Variants in CDH15 observed in about 807,000 individuals in gnomAD.
The protein encoded by CDH15 is cadherin 15, also known as cadherin-15.
A neutral mutation model predicts 69.4 loss-of-function variants in CDH15; 73 were observed. That is an observed-to-expected ratio of 1.05 (90% confidence interval 0.87 to 1.28). The LOEUF (loss-of-function observed/expected upper bound fraction) is 1.28. Ranked by LOEUF, CDH15 falls within the 50% of genes most tolerant of loss-of-function variation. The pLI is 0.00. For synonymous variants in CDH15, 624 were observed against 507.7 expected, an observed-to-expected ratio of 1.23 and a Z score of -3.08; for missense variants, 1,343 against 1,133.6, an observed-to-expected ratio of 1.18 and a Z score of -2.65.
At chr16:89,174,440 G>A (rs1360650987) in intron 1 of CDH15, among the ~76,000 whole-genome samples, 6 of 152,316 alleles carry the variant, frequency 3.9e-5, no homozygotes, top group Non-Finnish European at 7.4e-5. Context: ...GTGCAAGGTC[G>A]GCCCCAGAAC....
intron 1 of CDH15, among the ~76,000 whole-genome samples, chr16:89,178,462 C>T (rs1461384902): frequency 6.6e-6 from 1 of 152,176 alleles, no homozygotes; most frequent in African/African-American, 2.4e-5. Flanking sequence ...ACCGAGGTAC[C>T]CTGTTCTGGG....
At chr16:89,179,331 C>T (rs564372859) in intron 1 of CDH15, 85 bp from the exon 2 acceptor site, 2 of 1,533,740 alleles carry the variant, frequency 1.3e-6, no homozygotes, top group East Asian at 2.3e-5. Context: ...CCCGTGGCCT[C>T]CTCACCACCC....
chr16:89,195,195 G>A lies in CDH15; in HGVS notation c.*40G>A, dbSNP rs1387320587. On this transcript the variant is annotated 3_prime_UTR_variant, in exon 14 of 14. Transcript: ENST00000289746. ...TGGACATGCCACTCCCCGGCCTCGT[G>A]GCAGTGATGGCCCCTGCAGAGGCAG... 3 of 1,525,960 alleles carry A rather than the reference G, an allele frequency of 2.0e-6. No homozygotes were observed. Among genetic ancestry groups the A allele is most frequent in the Admixed American group, 3.7e-5 (2 of 53,886 alleles). 94.5% of individuals were successfully genotyped at this position (1,525,960 alleles called of 1,614,324 possible). A position where few individuals can be genotyped will look rare whatever the true frequency, so the allele number is the denominator to read the frequency against.
At chr16:89,177,742 G>C (rs190330380) in intron 1 of CDH15, among the ~76,000 whole-genome samples, 92 of 152,324 alleles carry the variant, frequency 6.0e-4, no homozygotes, top group African/African-American at 2.0e-3. Context: ...GGGAGCTCGA[G>C]GGTGACCCCC....
chr16:89,194,737 G>C lies in CDH15; in HGVS notation c.2152-125G>C, dbSNP rs1045339199. 38 of 949,164 alleles carry C rather than the reference G, an allele frequency of 4.0e-5. No individual in the cohort carries two copies. In the South Asian group the frequency reaches 4.2e-4, roughly 11 times the overall value. The allele number at this position is 949,164 out of a possible 1,614,324, so 58.8% of individuals were successfully genotyped here. On this transcript the variant is annotated intron_variant, in intron 13 of 13. Transcript: ENST00000289746. ...TTGCCTCCCCTCAGACCTCGCCCCC[G>C]GACGTGGGCAGCTTCCCCTTCCTGA...
intron 4 of CDH15, among the ~76,000 whole-genome samples, chr16:89,183,900 G>C (rs1397018854): frequency 6.6e-6 from 1 of 152,216 alleles, no homozygotes; most frequent in Non-Finnish European, 1.5e-5. Context: ...GAGCCTGGGA[G>C]TGGAGGTTTT....
chr16:89,195,217 G>A lies in CDH15; in HGVS notation c.*62G>A, dbSNP rs958888023. On this transcript the variant is annotated 3_prime_UTR_variant, in exon 14 of 14. Transcript: ENST00000289746. ...CGTGGCAGTGATGGCCCCTGCAGAGGCAGCCTGAGGTCACCGGGCCCGACC... is the reference window on the plus strand; with the variant it reads ...CGTGGCAGTGATGGCCCCTGCAGAGACAGCCTGAGGTCACCGGGCCCGACC... 1 of 1,467,416 alleles carries A rather than the reference G, an allele frequency of 6.8e-7. No individual in the cohort carries two copies. Among genetic ancestry groups the A allele is most frequent in the Non-Finnish European group, 9.0e-7 (1 of 1,108,554 alleles). The allele number at this position is 1,467,416 out of a possible 1,614,324, so 90.9% of individuals were successfully genotyped here. A position where few individuals can be genotyped will look rare whatever the true frequency, so the allele number is the denominator to read the frequency against.
In CDH15 at chr16:89,190,402, C is replaced by T; in HGVS notation, c.1138C>T (p.Leu380Phe). The T allele has an allele frequency of 6.2e-7, 1 of 1,612,624 alleles. No individual in the cohort carries two copies. The highest frequency in any genetic ancestry group is 8.5e-7 in the Non-Finnish European group (1 of 1,179,884). ...GCCCCCCGTGTTCCAGGAGAACCCA[C>T]TTCGGACCAGCCTAGCAGAGGGGGC... is the stretch of plus-strand genomic sequence containing the variant. ...NEPPVFQENP[L>F]RTSLAEGAPP... The change falls in exon 8 of 14, where the codon CTT (leucine) becomes TTT (phenylalanine). Residue 380 changes from leucine (L) to phenylalanine (F), a missense_variant. Physicochemically the swap from Leu to Phe is conservative, Grantham distance 22 (BLOSUM62 0). Coordinates refer to ENST00000289746, the MANE Select transcript of CDH15 (RefSeq NM_004933.3).
At chr16:89,188,005 G>A in intron 6 of CDH15, 95 bp from the exon 7 acceptor site, 1 of 835,380 alleles carries the variant, frequency 1.2e-6, no homozygotes, top group Non-Finnish European at 1.9e-6. Context: ...GCAGGAGGGA[G>A]GGTGGGAGGG....
Position 89,195,137 on chromosome 16 carries a change from C to G in CDH15, c.2427C>G (p.His809Gln). ...GLSPGALLPR[H>Q]RGRTA ...CTCCTGGGGCACTGCTACCCAGACA[C>G]AGAGGCCGGACAGCCTGACCCTGGG... is the stretch of plus-strand genomic sequence containing the variant. Residue 809 changes from histidine to glutamine, a missense_variant, in exon 14 of 14, where the codon CAC (histidine) becomes CAG (glutamine). By Grantham distance (24) the His-to-Gln change is conservative. Coordinates refer to ENST00000289746, the MANE Select transcript of CDH15 (RefSeq NM_004933.3). The G allele has an allele frequency of 6.3e-7, 1 of 1,597,672 alleles. No individual in the cohort carries two copies. Among genetic ancestry groups the G allele is most frequent in the Non-Finnish European group, 8.5e-7 (1 of 1,171,692 alleles).
At chr16:89,193,389 CT>C in intron 11 of CDH15, 80 bp from the exon 12 acceptor site, 1 of 1,148,450 alleles carries the variant, frequency 8.7e-7, no homozygotes, top group Non-Finnish European at 1.2e-6. Flanking sequence ...GCCCCGCCCC[CT>C]CCTCCCACCT....
intron 4 of CDH15, among the ~76,000 whole-genome samples, chr16:89,184,707 T>C (rs1279475899): frequency 6.6e-6 from 1 of 151,808 alleles, no homozygotes; most frequent in Non-Finnish European, 1.5e-5. Flanking sequence ...GCGTCCTCTG[T>C]CTTATCCTGC....
chr16:89,192,381 G>T lies in CDH15; in HGVS notation c.1792G>T (p.Gly598Trp), dbSNP rs757666255. ...CLPGAAALLA[G>W]GTGLSLGALV... is the part of the protein sequence containing the mutation. Reference sequence around the variant, plus strand: ...GCCGGGGGCCGCAGCGCTGCTGGCGGGGGGCACAGGCCTCAGCCTGGGCGC... The same window carrying T: ...GCCGGGGGCCGCAGCGCTGCTGGCGTGGGGCACAGGCCTCAGCCTGGGCGC... Residue 598 changes from glycine to tryptophan, a missense_variant, in exon 11 of 14, where the codon GGG (glycine) becomes TGG (tryptophan). Physicochemically the swap from Gly to Trp is radical, Grantham distance 184 (BLOSUM62 -2). Coordinates refer to ENST00000289746, the MANE Select transcript of CDH15 (RefSeq NM_004933.3). 21 of 1,537,106 alleles carry T rather than the reference G, an allele frequency of 1.4e-5. No homozygotes were observed. Among genetic ancestry groups the T allele is most frequent in the Non-Finnish European group, 1.5e-5 (17 of 1,147,990 alleles).
intron 1 of CDH15, among the ~76,000 whole-genome samples, chr16:89,174,563 C>A (rs1315495996): frequency 2.0e-5 from 3 of 152,216 alleles, no homozygotes; most frequent in South Asian, 2.1e-4. Flanking sequence ...TACACAGCAG[C>A]CCCTTGGGGT....
rs570306656 is a variant in CDH15, at chr16:89,190,383, C to T, written c.1119C>T (p.Pro373=). 3.6e-5 allele frequency: 58 copies of T among 1,612,852 alleles called. No individual in the cohort carries two copies. In the Admixed American group the frequency reaches 6.3e-4, roughly 18 times the overall value. The change falls in exon 8 of 14, where the codon CCC becomes CCT. Residue 373 remains proline, a synonymous_variant. Coordinates refer to ENST00000289746, the MANE Select transcript of CDH15 (RefSeq NM_004933.3). The stretch of plus-strand genomic sequence containing the variant: ...ATGTGCAGGACACCAACGAGCCCCC[C>T]GTGTTCCAGGAGAACCCACTTCGGA... ...RVHVQDTNEP[P]VFQENPLRTS... is the part of the protein sequence containing the mutation.
chr16:89,177,398 G>T (rs1915280121), intron 1 of CDH15, among the ~76,000 whole-genome samples: 5 of 152,210 alleles, frequency 3.3e-5, no homozygotes, highest in Admixed American at 3.3e-4. Context: ...GCAGCCCCAT[G>T]TGGCCTGTGG....
In CDH15 at chr16:89,190,434, A is replaced by G; in HGVS notation, c.1170A>G (p.Pro390=). The G allele has an allele frequency of 6.2e-7, 1 of 1,609,344 alleles. No individual in the cohort carries two copies. Among genetic ancestry groups the G allele is most frequent in the Non-Finnish European group, 8.5e-7 (1 of 1,178,704 alleles). The change falls in exon 8 of 14, where the codon CCA becomes CCG. Residue 390 remains proline, a synonymous_variant. Transcript: ENST00000289746. ...CCAGCCTAGCAGAGGGGGCACCCCC[A>G]GGCACTCTGGTGGCCACCTTCTCTG... is the stretch of plus-strand genomic sequence containing the variant. The part of the protein sequence containing the change: ...LRTSLAEGAP[P]GTLVATFSAR...
At position 89,187,471 on chromosome 16, in the gene CDH15, T is replaced by C; in HGVS notation, c.706T>C (p.Ser236Pro). 6.2e-7 allele frequency: 1 copy of C among 1,613,584 alleles called. No individual in the cohort carries two copies. Among genetic ancestry groups the C allele is most frequent in the Non-Finnish European group, 8.5e-7 (1 of 1,180,028 alleles). The part of the protein sequence containing the change: ...YNLTLQVADM[S>P]GDGLTATASA... ...TCTGACCCTGCAGGTGGCGGACATG[T>C]CTGGAGACGGCCTCACAGCCACTGC... Residue 236 changes from serine to proline, a missense_variant, in exon 6 of 14, where the codon TCT (serine) becomes CCT (proline). Coordinates refer to ENST00000289746, the MANE Select transcript of CDH15 (RefSeq NM_004933.3).
rs770968487 is a variant in CDH15, at chr16:89,193,741, C to T, written c.1993-14C>T. On this transcript the variant is annotated splice_polypyrimidine_tract_variant and intron_variant, in intron 12 of 13. Coordinates refer to ENST00000289746, the MANE Select transcript of CDH15 (RefSeq NM_004933.3). ...CGAGGGATGCCTGGCTCTGTTCCAC[C>T]TCCTCGCCCACAGGACGCCTACGAC... 3.1e-6 allele frequency: 5 copies of T among 1,600,774 alleles called. No homozygotes were observed. Among genetic ancestry groups the T allele is most frequent in the Non-Finnish European group, 4.2e-6 (5 of 1,177,414 alleles).
Sources: gnomAD v4.1 joint callset for allele counts (sites outside exome capture counted in the v4.1 genomes callset) on GRCh38, gnomAD v4.1.1 for gene constraint, MANE v1.5 for transcripts, NCBI Gene and HGNC (gene_info 2026-07-23, HGNC 2026-07-21) for gene names.